The following DOCK11 variants were observed in gnomAD, a reference collection of about 807,000 sequenced individuals.
DOCK11 encodes the protein dedicator of cytokinesis protein 11.
DOCK11 carries 70 observed loss-of-function variants against 169.1 expected under a neutral mutation model. That is an observed-to-expected ratio of 0.41 (90% CI 0.34 to 0.51). The LOEUF (loss-of-function observed/expected upper bound fraction) is 0.51, where lower values mean the gene tolerates loss of function less well. Ranked by LOEUF, DOCK11 falls within the 20% of genes least tolerant of loss-of-function variation. DOCK11 has a pLI of 0.10. For missense variants in DOCK11, 1,166 were observed against 1,538.8 expected (o/e 0.76, Z 4.05); for synonymous variants, 529 against 541.3 (o/e 0.98, Z 0.32).
chrX:118,680,795 T>G lies in DOCK11; in HGVS notation c.5671+103T>G, dbSNP rs996434288. 8.3e-6 allele frequency: 6 copies of G among 719,971 alleles called. No homozygotes were observed. In the African/African-American group the frequency reaches 1.3e-4, roughly 16 times the overall value. 59.3% of individuals were successfully genotyped at this position (719,971 alleles called of 1,213,427 possible). On this transcript the variant is annotated intron_variant, in intron 49 of 52. Transcript: ENST00000276202. ...GAACATACAACTGAAATTTTAATTATTATTTGTTCTGCTGTTCAGTTACAA... is the reference window on the plus strand; with the variant it reads ...GAACATACAACTGAAATTTTAATTAGTATTTGTTCTGCTGTTCAGTTACAA...
In DOCK11 at chrX:118,609,301, A is replaced by T. The variant is rs377256271; in HGVS notation, c.2901A>T (p.Ile967=). ...AGTACTCATGGTTTTTCTTTGAAAT[A>T]ATTGCAAAGTCAATGGCCACATACT... ...LLKYSWFFFE[I]IAKSMATYLL... is the part of the protein sequence containing the mutation. Residue 967 remains isoleucine (I), a synonymous_variant, in exon 27 of 53, where the codon ATA becomes ATT. Coordinates refer to ENST00000276202, the MANE Select transcript of DOCK11 (RefSeq NM_144658.4). 4.2e-6 allele frequency: 5 copies of T among 1,197,736 alleles called. No individual in the cohort carries two copies. Among genetic ancestry groups the T allele is most frequent in the Non-Finnish European group, 5.6e-6 (5 of 887,685 alleles).
At position 118,662,667 on chromosome X, in the gene DOCK11, G is replaced by GT. The variant is rs767353975; in HGVS notation, c.4970-11dup. 4.6e-4 allele frequency: 465 copies of GT among 1,003,188 alleles called. 1 individual carries two copies. In the African/African-American group the frequency reaches 6.6e-3, roughly 14 times the overall value. 82.7% of individuals were successfully genotyped at this position (1,003,188 alleles called of 1,213,427 possible). Reference sequence around the variant, plus strand: ...TGCTTTCTCATAAATTCACTCCACTGTTTTTTTTATTCACACAGAATTATT... The same window carrying GT: ...TGCTTTCTCATAAATTCACTCCACTGTTTTTTTTTATTCACACAGAATTATT... On this transcript the variant is annotated intron_variant, in intron 44 of 52. Coordinates refer to ENST00000276202, the MANE Select transcript of DOCK11 (RefSeq NM_144658.4).
At chrX:118,499,381 G>A (rs1364058190) in intron 1 of DOCK11, among the ~76,000 whole-genome samples, 1 of 111,284 alleles carries the variant, frequency 9.0e-6, no homozygotes, top group Non-Finnish European at 1.9e-5. Context: ...CTAGATATTA[G>A]GGGTTGTAGC....
Position 118,636,828 on chromosome X carries a change from TACACACACACAC to T in DOCK11, c.3953+441_3953+452del, listed in dbSNP as rs765702693. 2.3e-4 allele frequency among the ~76,000 whole-genome samples: 23 copies of T among 100,570 alleles called. No homozygotes were observed. In the East Asian group the frequency reaches 3.4e-3, roughly 15 times the overall value. 87.3% of individuals were successfully genotyped at this position (100,570 alleles called of 115,157 possible). A position where few individuals can be genotyped will look rare whatever the true frequency, so the allele number is the denominator to read the frequency against. ...AGAAATGTGTCTGTGTATTTGTGTG[TACACACACACAC>T]ACACACACACACACACACACACACG... On this transcript the variant is annotated intron_variant, in intron 36 of 52. Coordinates refer to ENST00000276202, the MANE Select transcript of DOCK11 (RefSeq NM_144658.4).
chrX:118,509,734 G>T (rs745464676), intron 1 of DOCK11, among the ~76,000 whole-genome samples: 1 of 112,481 alleles, frequency 8.9e-6, no homozygotes, highest in African/African-American at 3.2e-5. Context: ...ATGTGTTCCA[G>T]TTCTAGAGAT....
chrX:118,613,395 CG>C (rs1222950500), intron 28 of DOCK11, among the ~76,000 whole-genome samples: 1 of 111,749 alleles, frequency 8.9e-6, no homozygotes. Context: ...TTGAATTCTT[CG>C]GATTTCACAG....
intron 22 of DOCK11, 77 bp from the exon 23 acceptor site, chrX:118,599,062 G>A: frequency 1.3e-6 from 1 of 795,378 alleles, no homozygotes; most frequent in Admixed American, 2.3e-5. Flanking sequence ...CAAGATACAG[G>A]AGGAGGGAGA....
At position 118,630,446 on chromosome X, in the gene DOCK11, G is replaced by A. The variant is rs774145428; in HGVS notation, c.3842G>A (p.Ser1281Asn). The change falls in exon 35 of 53, where the codon AGC becomes AAC. Residue 1281 changes from serine (S) to asparagine (N), a missense_variant. By Grantham distance (46) the Ser-to-Asn change is conservative (BLOSUM62 1). Coordinates refer to ENST00000276202, the MANE Select transcript of DOCK11 (RefSeq NM_144658.4). Reference sequence around the variant, plus strand: ...CGCCTGGATCAGTATGAAATCAGAAGCCTCCTGATGTGCTACCTGTATATA... The same window carrying A: ...CGCCTGGATCAGTATGAAATCAGAAACCTCCTGATGTGCTACCTGTATATA... ...YNRLDQYEIRSLLMCYLYIVK... is the reference protein window; with the variant it reads ...YNRLDQYEIRNLLMCYLYIVK... The A allele has an allele frequency of 7.5e-6, 9 of 1,206,247 alleles. No homozygotes were observed. Among genetic ancestry groups the A allele is most frequent in the Non-Finnish European group, 1.0e-5 (9 of 892,314 alleles).
intron 8 of DOCK11, 85 bp from the exon 9 acceptor site, chrX:118,566,489 G>A: frequency 1.2e-6 from 1 of 861,740 alleles, no homozygotes; most frequent in African/African-American, 2.0e-5. Flanking sequence ...GAGAGGATGG[G>A]TGGGAGAGAT....
chrX:118,547,260 T>C (rs1443682075), intron 6 of DOCK11, among the ~76,000 whole-genome samples: 1 of 112,013 alleles, frequency 8.9e-6, no homozygotes, highest in East Asian at 2.8e-4. Context: ...TCATTCTATC[T>C]TTCACACAGG....
chrX:118,599,560 GA>G (rs2014273581), intron 23 of DOCK11, among the ~76,000 whole-genome samples: 1 of 112,283 alleles, frequency 8.9e-6, no homozygotes, highest in African/African-American at 3.2e-5. Flanking sequence ...TGCTGTGGGG[GA>G]AAGGGCCAGG....
intron 6 of DOCK11, among the ~76,000 whole-genome samples, chrX:118,547,642 A>G (rs1444124041): frequency 8.9e-6 from 1 of 112,360 alleles, no homozygotes; most frequent in Non-Finnish European, 1.9e-5. Context: ...AATTAACCCA[A>G]GGTCCCACAG....
chrX:118,536,068 T>C (rs2011741754), intron 1 of DOCK11, among the ~76,000 whole-genome samples: 1 of 111,662 alleles, frequency 9.0e-6, no homozygotes, highest in African/African-American at 3.3e-5. Context: ...GGAGGCTTGA[T>C]GGGTGGATCA....
At chrX:118,659,210 A>G (rs2016155136) in intron 44 of DOCK11, among the ~76,000 whole-genome samples, 1 of 110,645 alleles carries the variant, frequency 9.0e-6, no homozygotes, top group Admixed American at 9.7e-5. Flanking sequence ...ACTTTTTTTC[A>G]CGGGATAACT....
chrX:118,499,946 A>C (rs982244468), intron 1 of DOCK11, among the ~76,000 whole-genome samples: 1 of 112,103 alleles, frequency 8.9e-6, no homozygotes, highest in Admixed American at 9.4e-5. Context: ...TTTAAGCACC[A>C]AATAGGAAAA....
intron 32 of DOCK11, among the ~76,000 whole-genome samples, chrX:118,626,896 A>G (rs2015118636): frequency 8.9e-6 from 1 of 112,464 alleles, no homozygotes; most frequent in Non-Finnish European, 1.9e-5. Context: ...ACCTTCTTCT[A>G]GCATTGCCCT....
intron 48 of DOCK11, among the ~76,000 whole-genome samples, chrX:118,679,918 ATTTTTTT>A (rs55756738): frequency 7.2e-5 from 4 of 55,432 alleles, no homozygotes; most frequent in Admixed American, 2.4e-4. Context: ...GATTACAGTA[ATTTTTTT>A]TTTTTTTTTT....
intron 48 of DOCK11, among the ~76,000 whole-genome samples, chrX:118,679,885 T>A (rs2147598073): frequency 9.2e-6 from 1 of 108,242 alleles, no homozygotes; most frequent in South Asian, 4.1e-4. Flanking sequence ...AAAATGTGAA[T>A]AATGATCATT....
chrX:118,530,323 C>T (rs1410709142), intron 1 of DOCK11, among the ~76,000 whole-genome samples: 2 of 113,064 alleles, frequency 1.8e-5, no homozygotes, highest in Non-Finnish European at 3.7e-5. Flanking sequence ...AATTTTTAGC[C>T]TATGCTGTCA....
Sources: allele counts gnomAD v4.1 joint callset (sites outside exome capture counted in the v4.1 genomes callset), GRCh38; gene constraint gnomAD v4.1.1; transcripts MANE v1.5; gene names NCBI Gene and HGNC (gene_info 2026-07-23, HGNC 2026-07-21).